Variants in PEX5L observed in about 807,000 individuals in gnomAD.
PEX5L encodes the protein PEX5-related protein.
PEX5L carries 30 observed loss-of-function variants against 84.0 expected under a neutral mutation model. The observed-to-expected ratio is 0.36, with a 90% CI of 0.27 to 0.48. The LOEUF is 0.48. Among genes scored for constraint, PEX5L ranks in the 20% least tolerant of loss-of-function variants. PEX5L has a pLI of 0.99. For missense variants in PEX5L, 533 were observed against 754.6 expected (o/e 0.71, Z 3.44); for synonymous variants, 270 against 283.1 (o/e 0.95, Z 0.46).
At chr3:179,951,817 C>A (rs912986011) in intron 2 of PEX5L, among the ~76,000 whole-genome samples, 2 of 152,056 alleles carry the variant, frequency 1.3e-5, no homozygotes, top group South Asian at 2.1e-4. Context: ...GCCATGTGGT[C>A]CATGGGGAGT....
At chr3:179,976,750 A>T (rs1319097764) in intron 1 of PEX5L, among the ~76,000 whole-genome samples, 2 of 152,150 alleles carry the variant, frequency 1.3e-5, no homozygotes, top group Non-Finnish European at 2.9e-5. Flanking sequence ...GAAATCTTGA[A>T]TGGAAATGGA....
intron 2 of PEX5L, among the ~76,000 whole-genome samples, chr3:179,934,872 G>C (rs1234548365): frequency 6.6e-6 from 1 of 152,000 alleles, no homozygotes; most frequent in East Asian, 1.9e-4. Flanking sequence ...CTTTTTACTA[G>C]TTCAGTATCA....
At chr3:179,862,367 C>A (rs1216311724) in intron 7 of PEX5L, among the ~76,000 whole-genome samples, 2 of 152,150 alleles carry the variant, frequency 1.3e-5, no homozygotes, top group Non-Finnish European at 2.9e-5. Flanking sequence ...ATTCGATGAA[C>A]AAATATAAAC....
chr3:179,882,704 G>A (rs1486145068), intron 4 of PEX5L, among the ~76,000 whole-genome samples: 2 of 152,292 alleles, frequency 1.3e-5, no homozygotes, highest in Admixed American at 6.5e-5. Context: ...ATGGTAGGTG[G>A]TGTCTGCTCT....
At chr3:179,822,186 G>A (rs1262185211) in intron 8 of PEX5L, among the ~76,000 whole-genome samples, 4 of 152,168 alleles carry the variant, frequency 2.6e-5, no homozygotes, top group Non-Finnish European at 4.4e-5. Context: ...TGGGTGATAC[G>A]AGAGGCCAAT....
chr3:179,818,028 G>C (rs1026166191), intron 9 of PEX5L, among the ~76,000 whole-genome samples: 1 of 152,188 alleles, frequency 6.6e-6, no homozygotes, highest in Non-Finnish European at 1.5e-5. Flanking sequence ...CCCATTGAGG[G>C]ACAGAGTATT....
At chr3:179,835,902 C>A (rs1364256265) in intron 8 of PEX5L, among the ~76,000 whole-genome samples, 1 of 152,066 alleles carries the variant, frequency 6.6e-6, no homozygotes, top group Admixed American at 6.6e-5. Flanking sequence ...TATGAGAAAA[C>A]AATGATTTTT....
intron 2 of PEX5L, among the ~76,000 whole-genome samples, chr3:179,917,043 A>G (rs561603933): frequency 9.9e-5 from 15 of 151,986 alleles, no homozygotes; most frequent in African/African-American, 2.9e-4. Flanking sequence ...GCTGTAAAAA[A>G]ATATATTTTC....
intron 4 of PEX5L, chr3:179,881,053 A>G (rs1754001307): frequency 6.6e-6 from 1 of 152,392 alleles, no homozygotes; most frequent in Non-Finnish European, 1.5e-5. Context: ...CTGGCCTGGA[A>G]TCTCTTCACC....
chr3:179,941,293 C>A (rs1199396988), intron 2 of PEX5L, among the ~76,000 whole-genome samples: 4 of 152,222 alleles, frequency 2.6e-5, no homozygotes, highest in Non-Finnish European at 5.9e-5. Context: ...CATCTCCACA[C>A]CTTTCCCCCA....
intron 9 of PEX5L, among the ~76,000 whole-genome samples, chr3:179,816,980 A>G (rs1726367654): frequency 6.6e-6 from 1 of 152,072 alleles, no homozygotes; most frequent in Non-Finnish European, 1.5e-5. Context: ...TTTCCCCTCA[A>G]GATTTTAAAA....
intron 8 of PEX5L, among the ~76,000 whole-genome samples, chr3:179,840,869 G>A (rs1235962545): frequency 1.3e-5 from 2 of 152,100 alleles, no homozygotes; most frequent in Non-Finnish European, 2.9e-5. Context: ...GATATGTTAA[G>A]TACACAATGA....
At chr3:179,895,036 T>C (rs1489094659) in intron 3 of PEX5L, among the ~76,000 whole-genome samples, 2 of 152,166 alleles carry the variant, frequency 1.3e-5, no homozygotes, top group Admixed American at 6.6e-5. Flanking sequence ...TTGTTTATAC[T>C]ATTACCCTTT....
chr3:179,859,217 T>C (rs1745139386), intron 7 of PEX5L, 60 bp from the exon 8 acceptor site: 5 of 1,254,420 alleles, frequency 4.0e-6, no homozygotes, highest in Middle Eastern at 1.9e-4. Context: ...TATAGAAATA[T>C]ACAGGTGCTT....
intron 4 of PEX5L, among the ~76,000 whole-genome samples, chr3:179,883,297 G>A (rs1464571736): frequency 6.6e-5 from 10 of 152,122 alleles, no homozygotes; most frequent in East Asian, 1.9e-4. Flanking sequence ...AGAGGATGTC[G>A]CTGACTTCAC....
At chr3:179,962,525 T>A (rs2037634) in intron 2 of PEX5L, among the ~76,000 whole-genome samples, 115,355 of 152,162 alleles carry the variant, frequency 0.76, 44,076 homozygotes, top group East Asian at 0.96. Flanking sequence ...ATCACCATAA[T>A]CATACACACT....
At chr3:179,908,682 T>C (rs1478397785) in intron 2 of PEX5L, among the ~76,000 whole-genome samples, 1 of 147,030 alleles carries the variant, frequency 6.8e-6, no homozygotes, top group Admixed American at 6.8e-5. Flanking sequence ...TGTGTTCTCA[T>C]TGTTCAATTC....
At chr3:179,871,100 C>CTTTTTTT (rs397801213) in intron 7 of PEX5L, among the ~76,000 whole-genome samples, 1 of 95,030 alleles carries the variant, frequency 1.1e-5, no homozygotes, top group Non-Finnish European at 2.1e-5. Flanking sequence ...TTGAGTTATA[C>CTTTTTTT]TTTTTTTTTT....
At chr3:179,929,180 T>C (rs1772294665) in intron 2 of PEX5L, among the ~76,000 whole-genome samples, 1 of 152,158 alleles carries the variant, frequency 6.6e-6, no homozygotes, top group Non-Finnish European at 1.5e-5. Context: ...CTGATTTTTT[T>C]TTAAGGGATT....
Sources: gnomAD v4.1 joint callset for allele counts (sites outside exome capture counted in the v4.1 genomes callset) on GRCh38, gnomAD v4.1.1 for gene constraint, MANE v1.5 for transcripts, NCBI Gene and HGNC (gene_info 2026-07-23, HGNC 2026-07-21) for gene names.